Variants in RYR2 observed in about 807,000 individuals in gnomAD.
RYR2 encodes cardiac muscle ryanodine receptor-calcium release channel.
A neutral mutation model predicts 601.1 loss-of-function variants in RYR2; 227 were observed. The ratio of observed to expected loss-of-function variants is 0.38; its 90% CI spans 0.34 to 0.42. The LOEUF (loss-of-function observed/expected upper bound fraction) is 0.42, where lower values mean the gene tolerates loss of function less well. RYR2 is among the 10% of genes least tolerant of loss of function. The pLI, the probability that RYR2 is intolerant of heterozygous loss-of-function variation, is 1.00. For missense variants in RYR2, 4,646 were observed against 6,156.5 expected (o/e 0.75, Z 8.21); for synonymous variants, 2,223 against 2,175.1 (o/e 1.02, Z -0.61).
chr1:237,752,522 A>ACT (rs1692618534), intron 80 of RYR2, among the ~76,000 whole-genome samples: 1 of 152,086 alleles, frequency 6.6e-6, no homozygotes, highest in Admixed American at 6.5e-5. Context: ...TAGTCTTAGT[A>ACT]TTTTCCCATC....
At chr1:237,355,880 A>G (rs1458700800) in intron 3 of RYR2, 85 bp from the exon 4 acceptor site, 3 of 1,210,050 alleles carry the variant, frequency 2.5e-6, no homozygotes, top group African/African-American at 3.0e-5. Context: ...GACCAAATTG[A>G]TATCAATTCA....
chr1:237,241,162 T>C (rs1237737140), intron 1 of RYR2, among the ~76,000 whole-genome samples: 3 of 152,218 alleles, frequency 2.0e-5, no homozygotes, highest in African/African-American at 4.8e-5. Context: ...TTGAATGCAG[T>C]GCTCTTCTGT....
chr1:237,831,701 C>G, intron 104 of RYR2, 136 bp downstream of exon 104: 1 of 599,616 alleles, frequency 1.7e-6, no homozygotes, highest in Non-Finnish European at 2.9e-6. Flanking sequence ...ATGTAAAGTT[C>G]CTGTTATGTT....
chr1:237,671,762 G>A (rs926210874), intron 58 of RYR2, among the ~76,000 whole-genome samples: 3 of 151,902 alleles, frequency 2.0e-5, no homozygotes, highest in Non-Finnish European at 4.4e-5. Context: ...AAAGTCTGAG[G>A]GAAAATCAGA....
At chr1:237,467,685 A>C (rs999836965) in intron 16 of RYR2, among the ~76,000 whole-genome samples, 1 of 152,156 alleles carries the variant, frequency 6.6e-6, no homozygotes, top group Admixed American at 6.5e-5. Context: ...AGGTCAGATA[A>C]TAACTTTATT....
chr1:237,380,684 G>A (rs1701430341), intron 8 of RYR2, among the ~76,000 whole-genome samples: 1 of 151,906 alleles, frequency 6.6e-6, no homozygotes, highest in Non-Finnish European at 1.5e-5. Context: ...GCTTATGCCT[G>A]TAATCCCAGC....
At chr1:237,350,571 CAAAAAAAAAAAAAAAAAAAA>C (rs1167546068) in intron 3 of RYR2, among the ~76,000 whole-genome samples, 440 of 26,976 alleles carry the variant, frequency 0.016, 28 homozygotes, top group African/African-American at 0.045. Context: ...GACTCTGTCT[CAAAAAAAAAAAAAAAAAAAA>C]AAAAAAAAAA....
chr1:237,635,071 G>C lies in RYR2; in HGVS notation c.6792+79G>C, dbSNP rs1016144127. 6.1e-6 allele frequency: 7 copies of C among 1,140,548 alleles called. No homozygotes were observed. The Admixed American group carries it at 2.1e-4, about 34-fold the overall frequency. 70.7% of individuals were successfully genotyped at this position (1,140,548 alleles called of 1,614,324 possible). A position where few individuals can be genotyped will look rare whatever the true frequency, so the allele number is the denominator to read the frequency against. Reference sequence around the variant, plus strand: ...TTCTCAATATTTTAAATATAAGTAAGGTTGGTGCAGAAGTCATTGTGGTTT... The same window carrying C: ...TTCTCAATATTTTAAATATAAGTAACGTTGGTGCAGAAGTCATTGTGGTTT... On this transcript the variant is annotated intron_variant, in intron 44 of 104. Transcript: ENST00000366574.
At chr1:237,659,869 C>T (rs1017772329) in intron 54 of RYR2, 116 bp from the exon 55 acceptor site, 13 of 565,474 alleles carry the variant, frequency 2.3e-5, no homozygotes, top group Non-Finnish European at 3.7e-5. Context: ...AATCTTAACC[C>T]TTACCTTAGT....
At position 237,623,790 on chromosome 1, in the gene RYR2, A is replaced by G; in HGVS notation, c.5942A>G (p.Asp1981Gly). 1 of 1,611,848 alleles carries G rather than the reference A, an allele frequency of 6.2e-7. No homozygotes were observed. Among genetic ancestry groups the G allele is most frequent in the Non-Finnish European group, 8.5e-7 (1 of 1,178,272 alleles). ...ATCAATATGCTTCTCAATTTTAAGGATGACAAAAGTGAATGTCCATGTCCA... is the reference window on the plus strand; with the variant it reads ...ATCAATATGCTTCTCAATTTTAAGGGTGACAAAAGTGAATGTCCATGTCCA... ...EQINMLLNFK[D>G]DKSECPCPEE... is the part of the protein sequence containing the mutation. Residue 1981 changes from aspartate to glycine, a missense_variant, in exon 39 of 105, where the codon GAT becomes GGT. Asp to Gly is a moderately conservative substitution (Grantham distance 94). Transcript: ENST00000366574.
At chr1:237,521,718 T>C (rs1667102112) in intron 24 of RYR2, among the ~76,000 whole-genome samples, 1 of 144,298 alleles carries the variant, frequency 6.9e-6, no homozygotes, top group Non-Finnish European at 1.5e-5. Flanking sequence ...AGACTCCATC[T>C]CAAAAAGAAA....
intron 104 of RYR2, among the ~76,000 whole-genome samples, chr1:237,832,109 A>T (rs1411805997): frequency 2.6e-5 from 4 of 152,076 alleles, no homozygotes; most frequent in African/African-American, 9.7e-5. Context: ...CATGATCAGG[A>T]CCTACTACAG....
At chr1:237,490,827 C>A (rs755391421) in intron 17 of RYR2, among the ~76,000 whole-genome samples, 5 of 152,154 alleles carry the variant, frequency 3.3e-5, no homozygotes, top group East Asian at 1.9e-4. Context: ...TTCTATGATA[C>A]CTTTGTAAAT....
intron 24 of RYR2, among the ~76,000 whole-genome samples, chr1:237,518,971 G>C (rs1178722758): frequency 6.6e-6 from 1 of 152,078 alleles, no homozygotes; most frequent in African/African-American, 2.4e-5. Flanking sequence ...ATTCTGACTG[G>C]TGTAGGATGA....
intron 22 of RYR2, among the ~76,000 whole-genome samples, chr1:237,504,442 C>T (rs993361570): frequency 3.3e-5 from 5 of 152,052 alleles, no homozygotes; most frequent in East Asian, 1.9e-4. Context: ...TTGATCAGTT[C>T]GGGTGGGGCA....
At chr1:237,740,803 A>G (rs1232608110) in intron 79 of RYR2, among the ~76,000 whole-genome samples, 1 of 152,156 alleles carries the variant, frequency 6.6e-6, no homozygotes, top group Non-Finnish European at 1.5e-5. Context: ...ACTGCTAATT[A>G]TTGGGAATAA....
At chr1:237,716,793 G>A (rs1212112624) in intron 71 of RYR2, among the ~76,000 whole-genome samples, 1 of 151,000 alleles carries the variant, frequency 6.6e-6, no homozygotes, top group Non-Finnish European at 1.5e-5. Flanking sequence ...CCATATACAT[G>A]TATATATATT....
intron 1 of RYR2, among the ~76,000 whole-genome samples, chr1:237,216,942 G>T (rs1419676772): frequency 1.3e-5 from 2 of 152,128 alleles, no homozygotes; most frequent in African/African-American, 4.8e-5. Context: ...CCAAAGTGAA[G>T]GACTCTTCCC....
At chr1:237,355,830 T>C (rs1383401365) in intron 3 of RYR2, 135 bp from the exon 4 acceptor site, 7 of 722,532 alleles carry the variant, frequency 9.7e-6, no homozygotes, top group Non-Finnish European at 1.6e-5. Context: ...TTGAATACAA[T>C]TTTTTATGCT....
Sources: gnomAD v4.1 joint callset for allele counts (sites outside exome capture counted in the v4.1 genomes callset) on GRCh38, gnomAD v4.1.1 for gene constraint, MANE v1.5 for transcripts, NCBI Gene and HGNC (gene_info 2026-07-23, HGNC 2026-07-21) for gene names.